Variants in THSD4 observed in about 807,000 individuals in gnomAD.
THSD4 encodes thrombospondin type-1 domain-containing protein 4.
In THSD4, 69 loss-of-function variants were observed where a neutral mutation model predicts 119.0. The ratio of observed to expected loss-of-function variants is 0.58; its 90% CI spans 0.48 to 0.71. The LOEUF (loss-of-function observed/expected upper bound fraction) is 0.71. Ranked by LOEUF, THSD4 falls within the 30% of genes least tolerant of loss-of-function variation. THSD4 has a pLI of 0.00. For synonymous variants in THSD4, 524 were observed against 540.4 expected (o/e 0.97, Z 0.42); for missense variants, 1,393 against 1,391.1 (o/e 1.00, Z -0.02).
chr15:71,710,629 A>G (rs1221449910), intron 8 of THSD4, among the ~76,000 whole-genome samples: 8 of 152,200 alleles, frequency 5.3e-5, no homozygotes, highest in Non-Finnish European at 1.2e-4. Context: ...AAGGGGAAAA[A>G]TACTTTATTA....
At position 71,771,062 on chromosome 15, in the gene THSD4, A is replaced by G. The variant is rs1443330381; in HGVS notation, c.2770-2A>G. ...TGATGTTTTCCCTTTGTTCCCATGC[A>G]GTGTTCCAAGAGCTGCCAGGGTGGC... On this transcript the variant is annotated splice_acceptor_variant, in intron 16 of 17. Coordinates refer to ENST00000261862, the MANE Select transcript of THSD4 (RefSeq NM_024817.3). LOFTEE classifies it high-confidence loss of function. 1.9e-6 allele frequency: 3 copies of G among 1,613,764 alleles called. No homozygotes were observed. The highest frequency in any genetic ancestry group is 1.7e-6 in the Non-Finnish European group (2 of 1,179,930).
intron 7 of THSD4, among the ~76,000 whole-genome samples, chr15:71,557,345 A>C (rs1211872075): frequency 1.3e-5 from 2 of 152,140 alleles, no homozygotes; most frequent in Non-Finnish European, 2.9e-5. Flanking sequence ...GTTATGATAT[A>C]TTTCTATTTT....
chr15:71,607,854 G>A (rs192753973), intron 7 of THSD4, among the ~76,000 whole-genome samples: 259 of 152,290 alleles, frequency 1.7e-3, no homozygotes, highest in African/African-American at 4.9e-3. Flanking sequence ...CATGTGTTAT[G>A]TGCCTGCTGT....
At chr15:71,194,891 T>G (rs923626249) in intron 3 of THSD4, among the ~76,000 whole-genome samples, 1 of 152,048 alleles carries the variant, frequency 6.6e-6, no homozygotes, top group African/African-American at 2.4e-5. Context: ...GGAATTCCAG[T>G]TGGAGAAGCT....
At chr15:71,124,723 T>C (rs770139345) in intron 1 of THSD4, among the ~76,000 whole-genome samples, 1 of 152,212 alleles carries the variant, frequency 6.6e-6, no homozygotes, top group South Asian at 2.1e-4. Flanking sequence ...TTAATATTGT[T>C]ATTGTCATTC....
rs186268225 is a variant in THSD4, at chr15:71,673,483, A to G, written c.1357+12749A>G. On this transcript the variant is annotated intron_variant, in intron 8 of 17. Transcript: ENST00000261862. ...TTTTTGAAGGGTTTTTTGTGTCTCT[A>G]TCTCCTTCAGTTCTGCTTTGATCTT... Among the ~76,000 whole-genome samples the G allele has an allele frequency of 1.6e-3, 241 of 151,946 alleles. 3 individuals are homozygous for G. Among genetic ancestry groups the G allele is most frequent in the African/African-American group, 5.4e-3 (225 of 41,430 alleles).
At chr15:71,718,148 CAA>C (rs55879700) in intron 8 of THSD4, among the ~76,000 whole-genome samples, 1,331 of 123,136 alleles carry the variant, frequency 0.011, 8 homozygotes, top group East Asian at 0.016. Flanking sequence ...GACCCTGTCT[CAA>C]AAAAAAAAAA....
chr15:71,101,994 T>G lies in THSD4; in HGVS notation c.-80+4988T>G, dbSNP rs144467561. Among the ~76,000 whole-genome samples the G allele has an allele frequency of 2.5e-3, 388 of 152,322 alleles. 8 individuals are homozygous for G. In the East Asian group the frequency reaches 0.065, roughly 25 times the overall value. On this transcript the variant is annotated intron_variant, in intron 1 of 17. Transcript: ENST00000355327. ...GCCCAAAGTGCTGGGATTACAGGCA[T>G]GAGCCACTGTGGAGGGCCGATAATT...
At chr15:71,773,217 AAAAAG>A (rs1400069982) in intron 17 of THSD4, among the ~76,000 whole-genome samples, 517 of 35,538 alleles carry the variant, frequency 0.015, 10 homozygotes, top group African/African-American at 0.029. Flanking sequence ...AAAAAAAAAG[AAAAAG>A]AAAAAAGAAA....
chr15:71,743,952 T>C (rs1265116296), intron 11 of THSD4, among the ~76,000 whole-genome samples: 1 of 152,228 alleles, frequency 6.6e-6, no homozygotes, highest in Non-Finnish European at 1.5e-5. Context: ...AGTTGTAGAA[T>C]AAAGTATAGT....
At chr15:71,408,181 A>G (rs1414198254) in intron 6 of THSD4, among the ~76,000 whole-genome samples, 1 of 151,924 alleles carries the variant, frequency 6.6e-6, no homozygotes, top group Non-Finnish European at 1.5e-5. Flanking sequence ...AAAAAAAAGA[A>G]TAAAGTGAAT....
At chr15:71,408,605 A>G (rs148928006) in intron 6 of THSD4, among the ~76,000 whole-genome samples, 34,210 of 152,022 alleles carry the variant, frequency 0.23, 3,912 homozygotes, top group South Asian at 0.31. Context: ...TAATCCTAGC[A>G]CTTTGGGAGG....
At chr15:71,649,456 T>A (rs938869605) in intron 7 of THSD4, among the ~76,000 whole-genome samples, 1 of 152,056 alleles carries the variant, frequency 6.6e-6, no homozygotes, top group Non-Finnish European at 1.5e-5. Flanking sequence ...TGTATTTTTT[T>A]AGTAGAGATG....
At chr15:71,272,093 G>T (rs2044537257) in intron 6 of THSD4, among the ~76,000 whole-genome samples, 4 of 152,158 alleles carry the variant, frequency 2.6e-5, no homozygotes, top group African/African-American at 9.6e-5. Flanking sequence ...TTACTAGCAA[G>T]AAAACAACTC....
chr15:71,516,905 C>T (rs1295275633), intron 7 of THSD4, among the ~76,000 whole-genome samples: 2 of 152,106 alleles, frequency 1.3e-5, no homozygotes, highest in Admixed American at 1.3e-4. Flanking sequence ...TTTCAAAATT[C>T]AGTTTCTTGG....
intron 7 of THSD4, among the ~76,000 whole-genome samples, chr15:71,544,847 A>C (rs888883113): frequency 1.3e-5 from 2 of 152,246 alleles, no homozygotes; most frequent in Non-Finnish European, 2.9e-5. Flanking sequence ...AAGTTTTGAT[A>C]CCTGTTACAG....
chr15:71,731,253 C>T (rs768209230), intron 10 of THSD4, 36 bp downstream of exon 10: 1 of 1,585,876 alleles, frequency 6.3e-7, no homozygotes, highest in Admixed American at 1.7e-5. Flanking sequence ...GGACTCTGGT[C>T]ATTTCCTTGT....
chr15:71,534,383 G>T (rs533439232), intron 7 of THSD4, among the ~76,000 whole-genome samples: 18 of 152,282 alleles, frequency 1.2e-4, no homozygotes, highest in African/African-American at 4.3e-4. Context: ...ACGTAGCAAC[G>T]TGTTATTTGA....
At chr15:71,121,992 G>A (rs1215609568) in intron 1 of THSD4, among the ~76,000 whole-genome samples, 2 of 152,130 alleles carry the variant, frequency 1.3e-5, no homozygotes, top group African/African-American at 2.4e-5. Flanking sequence ...GTTGTAAGGT[G>A]AGCCCTGAGG....
Sources: allele counts gnomAD v4.1 joint callset (sites outside exome capture counted in the v4.1 genomes callset), GRCh38; gene constraint gnomAD v4.1.1; transcripts MANE v1.5; gene names NCBI Gene and HGNC (gene_info 2026-07-23, HGNC 2026-07-21).